The following CFAP91 variants were observed in gnomAD, a reference collection of about 807,000 sequenced individuals.
The protein encoded by CFAP91 is cilia and flagella associated protein 91, also known as cilia- and flagella-associated protein 91.
In CFAP91, 85 loss-of-function variants were observed where a neutral mutation model predicts 95.9. The ratio of observed to expected loss-of-function variants is 0.89; its 90% CI spans 0.74 to 1.06. The LOEUF is 1.06. CFAP91 is among the 50% of genes least tolerant of loss of function. The pLI is 0.00. For missense variants in CFAP91, 962 were observed against 943.4 expected, an observed-to-expected ratio of 1.02 and a Z score of -0.26; for synonymous variants, 335 against 327.5, an observed-to-expected ratio of 1.02 and a Z score of -0.25.
intron 17 of CFAP91, 138 bp from the exon 18 acceptor site, chr3:119,764,914 G>A (rs1342876021): frequency 6.6e-6 from 1 of 152,178 alleles, no homozygotes; most frequent in Non-Finnish European, 1.5e-5. Flanking sequence ...TAGCAGAGCT[G>A]GGATATGTGT....
At chr3:119,731,674 C>A (rs2053899910) in intron 8 of CFAP91, among the ~76,000 whole-genome samples, 1 of 152,160 alleles carries the variant, frequency 6.6e-6, no homozygotes, top group Non-Finnish European at 1.5e-5. Flanking sequence ...GATTTTTACC[C>A]CCATTGAAAA....
chr3:119,709,810 A>G (rs1311455923), intron 4 of CFAP91, 29 bp from the exon 5 acceptor site: 1 of 1,570,626 alleles, frequency 6.4e-7, no homozygotes, highest in Non-Finnish European at 8.8e-7. Context: ...CAAAAGTCCC[A>G]CACATTTATG....
intron 13 of CFAP91, 140 bp downstream of exon 13, chr3:119,740,835 TTGTGTG>T (rs57901016): frequency 5.9e-4 from 304 of 515,058 alleles, no homozygotes; most frequent in South Asian, 1.8e-3. Context: ...CTGTCAGCAT[TTGTGTG>T]TGTGTGTGTG....
chr3:119,739,541 A>G (rs2054077738), intron 12 of CFAP91, among the ~76,000 whole-genome samples: 1 of 152,196 alleles, frequency 6.6e-6, no homozygotes, highest in Non-Finnish European at 1.5e-5. Flanking sequence ...GGAGAGAGAC[A>G]GGGAGGACCT....
chr3:119,751,027 G>A lies in CFAP91; in HGVS notation c.2234G>A (p.Gly745Glu), dbSNP rs1390462155. ...ESMVQKKLTE[G>E]EQDEASNAAM... ...ATGGTTCAAAAGAAATTAACTGAGG[G>A]AGAGCAAGATGAGGCCTCAAATGCT... Residue 745 changes from glycine to glutamate, a missense_variant, in exon 17 of 18, where the codon GGA becomes GAA. Transcript: ENST00000273390. 3.7e-6 allele frequency: 6 copies of A among 1,613,732 alleles called. No homozygotes were observed. The highest frequency in any genetic ancestry group is 3.3e-4 in the Middle Eastern group (2 of 6,082).
At chr3:119,752,949 T>A (rs1420709011) in intron 17 of CFAP91, among the ~76,000 whole-genome samples, 1 of 152,178 alleles carries the variant, frequency 6.6e-6, no homozygotes, top group African/African-American at 2.4e-5. Flanking sequence ...ATCCTCCCTC[T>A]TCCTTCTTGC....
intron 3 of CFAP91, 151 bp from the exon 4 acceptor site, chr3:119,708,440 T>C: frequency 1.7e-6 from 1 of 589,814 alleles, no homozygotes; most frequent in Non-Finnish European, 3.0e-6. Context: ...ATACTCTAAG[T>C]TGTATGGCAG....
At chr3:119,716,765 T>C (rs1324911552) in intron 6 of CFAP91, among the ~76,000 whole-genome samples, 2 of 152,144 alleles carry the variant, frequency 1.3e-5, no homozygotes, top group African/African-American at 4.8e-5. Context: ...TTTTTTATTG[T>C]ATTTTTAGTA....
At chr3:119,706,973 A>G in intron 2 of CFAP91, 88 bp downstream of exon 2, 2 of 1,009,576 alleles carry the variant, frequency 2.0e-6, no homozygotes, top group Non-Finnish European at 3.1e-6. Context: ...CTAATCACCA[A>G]ATCTTCACTG....
chr3:119,739,102 G>A (rs2054067421), intron 11 of CFAP91, among the ~76,000 whole-genome samples, 153 bp from the exon 12 acceptor site: 1 of 152,278 alleles, frequency 6.6e-6, no homozygotes, highest in East Asian at 1.9e-4. Context: ...AATACTATAT[G>A]TTCAATAAGG....
chr3:119,757,505 G>A (rs1273902326), intron 17 of CFAP91, among the ~76,000 whole-genome samples: 1 of 152,040 alleles, frequency 6.6e-6, no homozygotes, highest in African/African-American at 2.4e-5. Flanking sequence ...AAATTAGCCA[G>A]GCATGGTGGT....
At chr3:119,754,889 T>C (rs796172638) in intron 17 of CFAP91, among the ~76,000 whole-genome samples, 15 of 152,310 alleles carry the variant, frequency 9.8e-5, no homozygotes, top group African/African-American at 3.6e-4. Flanking sequence ...CCCAGTGGGC[T>C]TAGAAAGCAA....
intron 13 of CFAP91, among the ~76,000 whole-genome samples, chr3:119,742,617 A>G (rs1487001057): frequency 1.3e-5 from 2 of 152,228 alleles, no homozygotes; most frequent in African/African-American, 4.8e-5. Context: ...TCTATTTGTG[A>G]TCTCTGGGCT....
At chr3:119,761,858 A>G (rs968320764) in intron 17 of CFAP91, among the ~76,000 whole-genome samples, 2 of 151,936 alleles carry the variant, frequency 1.3e-5, no homozygotes, top group African/African-American at 4.8e-5. Context: ...TAAAGTCCAT[A>G]TATGACAAAC....
chr3:119,703,259 C>A (rs7612954), intron 1 of CFAP91, 37 bp downstream of exon 1: 223,844 of 1,603,772 alleles, frequency 0.14, 16,889 homozygotes, highest in Admixed American at 0.23. Flanking sequence ...GCGTCCGTCG[C>A]CTCCTAGGCC....
chr3:119,726,277 T>G lies in CFAP91; in HGVS notation c.789T>G (p.Phe263Leu). 1 of 1,613,910 alleles carries G rather than the reference T, an allele frequency of 6.2e-7. No homozygotes were observed. Among genetic ancestry groups the G allele is most frequent in the Non-Finnish European group, 8.5e-7 (1 of 1,179,922 alleles). Residue 263 changes from phenylalanine to leucine, a missense_variant, in exon 7 of 18, where the codon TTT (phenylalanine) becomes TTG (leucine). Transcript: ENST00000273390. Reference protein sequence around the residue: ...SLPALSDTSQFEKRRKMMNEM... With the variant: ...SLPALSDTSQLEKRRKMMNEM... Reference sequence around the variant, plus strand: ...CCGCTCTGAGTGACACCTCCCAGTTTGAGAAGAGGAGGAAAATGATGAATG... The same window carrying G: ...CCGCTCTGAGTGACACCTCCCAGTTGGAGAAGAGGAGGAAAATGATGAATG...
Position 119,708,700 on chromosome 3 carries a change from T to G in CFAP91, c.443+26T>G, listed in dbSNP as rs770285490. On this transcript the variant is annotated intron_variant, in intron 4 of 17. Transcript: ENST00000273390. ...GTAGAACATAATTACTAATGAATAT[T>G]TGAGCCCTAATATTATTAGAGAACC... 11 of 1,309,370 alleles carry G rather than the reference T, an allele frequency of 8.4e-6. No homozygotes were observed. The South Asian group carries it at 1.4e-4, about 17-fold the overall frequency. 81.1% of individuals were successfully genotyped at this position (1,309,370 alleles called of 1,614,324 possible). A position where few individuals can be genotyped will look rare whatever the true frequency, so the allele number is the denominator to read the frequency against.
chr3:119,751,527 C>G (rs896841175), intron 17 of CFAP91, among the ~76,000 whole-genome samples: 2 of 152,096 alleles, frequency 1.3e-5, no homozygotes, highest in African/African-American at 4.8e-5. Context: ...CTGCAGTGCC[C>G]ACAAGGGGTT....
chr3:119,739,512 G>A (rs1253906665), intron 12 of CFAP91, 186 bp downstream of exon 12: 1 of 561,776 alleles, frequency 1.8e-6, no homozygotes. Flanking sequence ...ATTTGTCCAG[G>A]TGGGTGGCAC....
Sources: allele counts gnomAD v4.1 joint callset (sites outside exome capture counted in the v4.1 genomes callset), GRCh38; gene constraint gnomAD v4.1.1; transcripts MANE v1.5; gene names NCBI Gene and HGNC (gene_info 2026-07-23, HGNC 2026-07-21).